Variants in LRRC28 observed in about 807,000 individuals in gnomAD.
LRRC28 encodes the protein leucine rich repeat containing 28, also known as leucine-rich repeat-containing protein 28.
Under a neutral mutation model 45.7 loss-of-function variants are expected in LRRC28, and 39 were observed. The ratio of observed to expected loss-of-function variants is 0.85; its 90% confidence interval spans 0.66 to 1.12. The LOEUF is 1.12. Among genes scored for constraint, LRRC28 ranks in the 50% most tolerant of loss-of-function variants. LRRC28 has a pLI of 0.00. For synonymous variants in LRRC28, 206 were observed against 178.8 expected, an observed-to-expected ratio of 1.15 and a Z score of -1.22; for missense variants, 435 against 438.5, an observed-to-expected ratio of 0.99 and a Z score of 0.07.
At chr15:99,322,534 G>A (rs1204706522) in intron 5 of LRRC28, among the ~76,000 whole-genome samples, 1 of 152,048 alleles carries the variant, frequency 6.6e-6, no homozygotes, top group Non-Finnish European at 1.5e-5. Flanking sequence ...AGTTACAGTG[G>A]TGTTCCCAGA....
rs201816227 is a variant in LRRC28, at chr15:99,276,539, C to G, written c.169-37C>G. 2.0e-6 allele frequency: 3 copies of G among 1,516,636 alleles called. No individual in the cohort carries two copies. In the African/African-American group the frequency reaches 4.3e-5, roughly 22 times the overall value. 93.9% of individuals were successfully genotyped at this position (1,516,636 alleles called of 1,614,324 possible). A position where few individuals can be genotyped will look rare whatever the true frequency, so the allele number is the denominator to read the frequency against. ...AAATTAGAAATGTTTAGACATTTTT[C>G]AAAAATAAAATTTAATTCTGAGTTT... On this transcript the variant is annotated intron_variant, in intron 2 of 9. Coordinates refer to ENST00000301981, the MANE Select transcript of LRRC28 (RefSeq NM_144598.5).
chr15:99,355,549 AT>A (rs1248052562), intron 7 of LRRC28: 1 of 151,986 alleles, frequency 6.6e-6, no homozygotes, highest in East Asian at 1.9e-4. Flanking sequence ...AATGATCTTT[AT>A]TTTTTCTGGG....
At chr15:99,293,561 C>T (rs890379796) in intron 5 of LRRC28, among the ~76,000 whole-genome samples, 1 of 110,434 alleles carries the variant, frequency 9.1e-6, no homozygotes, top group African/African-American at 3.4e-5. Context: ...CCGTTGCATT[C>T]CGGCCTGGGC....
intron 3 of LRRC28, among the ~76,000 whole-genome samples, chr15:99,280,877 A>T (rs1173328376): frequency 6.6e-6 from 1 of 152,088 alleles, no homozygotes; most frequent in African/African-American, 2.4e-5. Flanking sequence ...GTAGTCACTA[A>T]GACTTTTCAT....
chr15:99,275,896 G>A (rs537360257), intron 2 of LRRC28, among the ~76,000 whole-genome samples: 1 of 152,162 alleles, frequency 6.6e-6, no homozygotes, highest in Non-Finnish European at 1.5e-5. Flanking sequence ...TGTTAGGAAC[G>A]GGGCCGCACA....
In LRRC28 at chr15:99,389,465, C is replaced by G. The variant is rs1177736481; in HGVS notation, c.*3363C>G. On this transcript the variant is annotated 3_prime_UTR_variant, in exon 10 of 10. Coordinates refer to ENST00000301981, the MANE Select transcript of LRRC28 (RefSeq NM_144598.5). ...GAAAAATCAGAAATTCTAATCTTTG[C>G]TATAAAGTACTTAAACACAATACAT... 3 of 152,132 alleles carry G rather than the reference C, an allele frequency of 2.0e-5. No individual in the cohort carries two copies. Among genetic ancestry groups the G allele is most frequent in the African/African-American group, 7.2e-5 (3 of 41,424 alleles). 9.4% of individuals were successfully genotyped at this position (152,132 alleles called of 1,614,324 possible). A position where few individuals can be genotyped will look rare whatever the true frequency, so the allele number is the denominator to read the frequency against.
intron 7 of LRRC28, among the ~76,000 whole-genome samples, chr15:99,356,569 C>T (rs1957052900): frequency 6.6e-6 from 1 of 152,090 alleles, no homozygotes; most frequent in African/African-American, 2.4e-5. Context: ...ATAAAAGAAT[C>T]TTATGCATGT....
chr15:99,348,514 A>T (rs1323438874), intron 6 of LRRC28, among the ~76,000 whole-genome samples: 1 of 152,102 alleles, frequency 6.6e-6, no homozygotes, highest in Non-Finnish European at 1.5e-5. Flanking sequence ...TCCCGGCACC[A>T]TCTATTCAAG....
intron 5 of LRRC28, among the ~76,000 whole-genome samples, chr15:99,317,816 G>A (rs541338730): frequency 9.2e-5 from 14 of 152,192 alleles, no homozygotes; most frequent in East Asian, 1.9e-4. Flanking sequence ...TCTCTGCAGC[G>A]TTGAACTGTT....
At chr15:99,360,568 C>T (rs961100138) in intron 7 of LRRC28, among the ~76,000 whole-genome samples, 1 of 152,184 alleles carries the variant, frequency 6.6e-6, no homozygotes, top group Non-Finnish European at 1.5e-5. Context: ...GTCCCCTAAG[C>T]TTCATTGCTT....
intron 3 of LRRC28, chr15:99,285,386 G>A (rs1044487663): frequency 2.6e-5 from 19 of 742,766 alleles, no homozygotes; most frequent in Non-Finnish European, 3.9e-5. Flanking sequence ...CACCTCCTCC[G>A]CAGTGGTATA....
At chr15:99,278,258 A>T (rs910401467) in intron 3 of LRRC28, among the ~76,000 whole-genome samples, 2 of 152,088 alleles carry the variant, frequency 1.3e-5, no homozygotes, top group South Asian at 2.1e-4. Context: ...TTTAAAAAAA[A>T]ATTTTTTAAG....
intron 6 of LRRC28, 111 bp downstream of exon 6, chr15:99,334,240 G>A: frequency 1.6e-6 from 2 of 1,232,144 alleles, no homozygotes; most frequent in Non-Finnish European, 1.1e-6. Flanking sequence ...CTTGACGATT[G>A]CTTCTCTAAG....
chr15:99,299,955 T>A (rs1004041625), intron 5 of LRRC28, among the ~76,000 whole-genome samples: 7 of 152,218 alleles, frequency 4.6e-5, no homozygotes, highest in African/African-American at 1.7e-4. Context: ...TGTTTATATG[T>A]CTGATCTACT....
intron 5 of LRRC28, among the ~76,000 whole-genome samples, chr15:99,290,023 C>G (rs1208902389): frequency 6.7e-6 from 1 of 149,320 alleles, no homozygotes; most frequent in Non-Finnish European, 1.5e-5. Flanking sequence ...TTTGGGAGGC[C>G]GAGGTGGGTG....
Position 99,285,653 on chromosome 15 carries a change from C to T in LRRC28, c.210-1604C>T, listed in dbSNP as rs2152205078. On this transcript the variant is annotated intron_variant, in intron 3 of 9. Coordinates refer to ENST00000301981, the MANE Select transcript of LRRC28 (RefSeq NM_144598.5). ...GGCAGCCACTGTGTACTATTTCATA[C>T]AGCATCTTGATTATATGTAGATAAT... The T allele has an allele frequency of 1.4e-5, 9 of 631,650 alleles. No homozygotes were observed. The South Asian group carries it at 1.5e-4, about 11-fold the overall frequency. 39.1% of individuals were successfully genotyped at this position (631,650 alleles called of 1,614,324 possible). A position where few individuals can be genotyped will look rare whatever the true frequency, so the allele number is the denominator to read the frequency against.
chr15:99,264,809 C>T (rs1440368525), intron 2 of LRRC28, among the ~76,000 whole-genome samples: 1 of 152,044 alleles, frequency 6.6e-6, no homozygotes, highest in South Asian at 2.1e-4. Context: ...TAGGAAATTC[C>T]CATTAGAGAG....
intron 2 of LRRC28, among the ~76,000 whole-genome samples, chr15:99,272,067 A>G (rs534768074): frequency 6.6e-6 from 1 of 152,294 alleles, no homozygotes; most frequent in East Asian, 1.9e-4. Flanking sequence ...TGTATATGGT[A>G]TGAGATAGTG....
chr15:99,284,104 G>C (rs2081889753), intron 3 of LRRC28, among the ~76,000 whole-genome samples: 1 of 152,212 alleles, frequency 6.6e-6, no homozygotes, highest in Non-Finnish European at 1.5e-5. Flanking sequence ...TTAAGGTGCA[G>C]GTAGTGTGGC....
Sources: allele counts gnomAD v4.1 joint callset (sites outside exome capture counted in the v4.1 genomes callset), GRCh38; gene constraint gnomAD v4.1.1; transcripts MANE v1.5; gene names NCBI Gene and HGNC (gene_info 2026-07-23, HGNC 2026-07-21).